PTPRM: variants seen among roughly 807,000 people sequenced by gnomAD.
PTPRM encodes the protein receptor-type tyrosine-protein phosphatase mu.
Under a neutral mutation model 186.7 loss-of-function variants are expected in PTPRM, and 47 were observed. The ratio of observed to expected loss-of-function variants is 0.25; its 90% CI spans 0.20 to 0.32. PTPRM has a LOEUF of 0.32. Among genes scored for constraint, PTPRM ranks in the 10% least tolerant of loss-of-function variants. The pLI is 1.00. For synonymous variants in PTPRM, 668 were observed against 674.9 expected (o/e 0.99, Z 0.16); for missense variants, 1,494 against 1,865.0 (o/e 0.80, Z 3.66).
intron 4 of PTPRM, 109 bp downstream of exon 4, chr18:7,906,692 GTTCCCTGACA>G (rs1239682379): frequency 3.5e-5 from 31 of 873,550 alleles, no homozygotes; most frequent in Non-Finnish European, 4.9e-5. Flanking sequence ...TGCCAAGACA[GTTCCCTGACA>G]GGCCTGTATT....
chr18:7,896,284 A>G (rs2049351821), intron 3 of PTPRM, among the ~76,000 whole-genome samples: 1 of 151,872 alleles, frequency 6.6e-6, no homozygotes, highest in Admixed American at 6.6e-5. Context: ...AAAAAAAAGA[A>G]CTCTGCTTTG....
intron 14 of PTPRM, among the ~76,000 whole-genome samples, chr18:8,189,890 C>T (rs1489803214): frequency 6.6e-6 from 1 of 152,222 alleles, no homozygotes; most frequent in African/African-American, 2.4e-5. Context: ...CAGTCTTTCT[C>T]TGCAGTCACT....
intron 19 of PTPRM, among the ~76,000 whole-genome samples, chr18:8,276,771 GCTTTGGGTCTGTGAGACCTGTGAGA>G (rs1330372390): frequency 6.6e-6 from 1 of 152,148 alleles, no homozygotes; most frequent in East Asian, 1.9e-4. Flanking sequence ...TCTTCCCTAT[GCTTTGGGTCTGTGAGACCTGTGAGA>G]CTTTGGGTCT....
chr18:7,671,471 C>T (rs2039216766), intron 1 of PTPRM, among the ~76,000 whole-genome samples: 1 of 152,126 alleles, frequency 6.6e-6, no homozygotes. Flanking sequence ...CATTTTGTCC[C>T]TCTGAATTAG....
intron 9 of PTPRM, among the ~76,000 whole-genome samples, chr18:8,084,499 T>G (rs2090329519): frequency 6.6e-6 from 1 of 152,204 alleles, no homozygotes; most frequent in Non-Finnish European, 1.5e-5. Context: ...GATTAATATA[T>G]ATAGCAAACA....
intron 1 of PTPRM, among the ~76,000 whole-genome samples, chr18:7,658,330 T>TTTTATATA (rs71354562): frequency 8.0e-6 from 1 of 124,442 alleles, no homozygotes; most frequent in African/African-American, 3.1e-5. Context: ...TAAAGTAAAT[T>TTTTATATA]TATATATATA....
intron 14 of PTPRM, among the ~76,000 whole-genome samples, chr18:8,215,100 G>T (rs1305629586): frequency 6.6e-6 from 1 of 152,014 alleles, no homozygotes; most frequent in Non-Finnish European, 1.5e-5. Context: ...TCCAGAACTG[G>T]GTTTCTGAAA....
At chr18:8,397,397 G>A (rs140289026) in intron 32 of PTPRM, among the ~76,000 whole-genome samples, 8 of 152,350 alleles carry the variant, frequency 5.3e-5, no homozygotes, top group East Asian at 1.9e-4. Context: ...GTTGAAGCAT[G>A]ACACTCTCCA....
chr18:7,661,209 T>G (rs980476404), intron 1 of PTPRM, among the ~76,000 whole-genome samples: 1 of 152,240 alleles, frequency 6.6e-6, no homozygotes, highest in African/African-American at 2.4e-5. Flanking sequence ...GGATCTTTAT[T>G]GGTCTTTCTA....
At chr18:8,295,478 CCCCAAAGCGTT>C (rs1177705997) in intron 19 of PTPRM, among the ~76,000 whole-genome samples, 2 of 152,168 alleles carry the variant, frequency 1.3e-5, no homozygotes, top group African/African-American at 4.8e-5. Flanking sequence ...TGTTCTCTGG[CCCCAAAGCGTT>C]CCCAAATGGT....
At chr18:7,808,467 A>G (rs769169041) in intron 2 of PTPRM, among the ~76,000 whole-genome samples, 4 of 152,224 alleles carry the variant, frequency 2.6e-5, no homozygotes, top group Admixed American at 6.5e-5. Flanking sequence ...TAAATGGATG[A>G]ACCTCACTGC....
At chr18:7,631,637 A>AT (rs1176217984) in intron 1 of PTPRM, among the ~76,000 whole-genome samples, 4 of 151,658 alleles carry the variant, frequency 2.6e-5, no homozygotes, top group East Asian at 3.9e-4. Context: ...AAACATTATG[A>AT]TTTTTTTTGC....
chr18:8,220,105 G>A (rs2147062110), intron 14 of PTPRM, among the ~76,000 whole-genome samples: 1 of 152,082 alleles, frequency 6.6e-6, no homozygotes. Flanking sequence ...TTACCGCATG[G>A]TACAATCACT....
chr18:7,573,234 C>G (rs1036329496), intron 1 of PTPRM, among the ~76,000 whole-genome samples: 1 of 152,312 alleles, frequency 6.6e-6, no homozygotes, highest in African/African-American at 2.4e-5. Context: ...CTTGTGCCCT[C>G]TTAGCTATGA....
intron 7 of PTPRM, among the ~76,000 whole-genome samples, chr18:7,996,833 A>G (rs1031203352): frequency 3.3e-5 from 5 of 151,986 alleles, no homozygotes; most frequent in Non-Finnish European, 7.4e-5. Context: ...ATAAATTTAA[A>G]TAAATGAAAG....
chr18:8,392,998 A>T (rs1264366219), intron 31 of PTPRM, among the ~76,000 whole-genome samples: 1 of 152,196 alleles, frequency 6.6e-6, no homozygotes, highest in East Asian at 1.9e-4. Flanking sequence ...TTAGGCAAAC[A>T]CCACAGTGAT....
chr18:8,307,342 C>T lies in PTPRM; in HGVS notation c.2843-7439C>T, dbSNP rs898248687. On this transcript the variant is annotated intron_variant, in intron 20 of 32. Transcript: ENST00000580170. ...TCTCCATGGCAGAACACATGTCCCG[C>T]GTTCTCCACCCCAACTGGACCCTTT... Among the ~76,000 whole-genome samples, 9 of 152,296 alleles carry T rather than the reference C, an allele frequency of 5.9e-5. No individual in the cohort carries two copies. In the South Asian group the frequency reaches 8.3e-4, roughly 14 times the overall value.
intron 3 of PTPRM, among the ~76,000 whole-genome samples, chr18:7,904,020 T>G (rs1015532157): frequency 6.6e-6 from 1 of 152,232 alleles, no homozygotes; most frequent in African/African-American, 2.4e-5. Flanking sequence ...AGATTTCATT[T>G]TTTTTGAAAC....
chr18:8,307,582 T>A (rs893164723), intron 20 of PTPRM, among the ~76,000 whole-genome samples: 1 of 152,134 alleles, frequency 6.6e-6, no homozygotes. Flanking sequence ...GGCAGGCAGA[T>A]CACCTGAGGA....
Sources: gnomAD v4.1 joint callset for allele counts (sites outside exome capture counted in the v4.1 genomes callset) on GRCh38, gnomAD v4.1.1 for gene constraint, MANE v1.5 for transcripts, NCBI Gene and HGNC (gene_info 2026-07-23, HGNC 2026-07-21) for gene names.